The following NRDE2 variants were observed in gnomAD, a reference collection of about 807,000 sequenced individuals.
NRDE2 encodes NRDE-2, necessary for RNA interference, domain containing, also known as nuclear exosome regulator NRDE2.
Under a neutral mutation model 124.2 loss-of-function variants are expected in NRDE2, and 76 were observed. The observed-to-expected ratio is 0.61, with a 90% CI of 0.51 to 0.74. NRDE2 has a LOEUF of 0.74. Among genes scored for constraint, NRDE2 ranks in the 30% least tolerant of loss-of-function variants. The probability of loss-of-function intolerance (pLI) is 0.00; values close to 1 mark genes in which losing one functional copy is unlikely to be tolerated. For synonymous variants in NRDE2, 489 were observed against 528.1 expected (o/e 0.93, Z 1.01); for missense variants, 1,314 against 1,417.3 (o/e 0.93, Z 1.17).
chr14:90,307,797 G>GATGCAATATAGCTCACTGCAGTT (rs984553427), intron 4 of NRDE2, among the ~76,000 whole-genome samples: 1 of 152,212 alleles, frequency 6.6e-6, no homozygotes, highest in African/African-American at 2.4e-5. Flanking sequence ...AGGATGCAAT[G>GATGCAATATAGCTCACTGCAGTT]ATGCAATATA....
intron 1 of NRDE2, among the ~76,000 whole-genome samples, chr14:90,321,564 AAAAAG>A (rs1885243213): frequency 1.3e-5 from 2 of 151,568 alleles, no homozygotes; most frequent in Non-Finnish European, 2.9e-5. Flanking sequence ...AAAAAAAAAA[AAAAAG>A]AAAAGAAAAA....
At chr14:90,315,228 G>A (rs8007517) in intron 3 of NRDE2, among the ~76,000 whole-genome samples, 2,438 of 149,704 alleles carry the variant, frequency 0.016, 60 homozygotes, top group African/African-American at 0.056. Flanking sequence ...AAAATTAGCT[G>A]GGTGTGGTGA....
rs146973739 is a variant in NRDE2, at chr14:90,269,771, T to G, written c.*8565A>C. ...GAATTCCAGTCTTATGTCTTGTCTTTTCTTTTCCATAACATTCCCTTTTTA... is the reference window on the plus strand; with the variant it reads ...GAATTCCAGTCTTATGTCTTGTCTTGTCTTTTCCATAACATTCCCTTTTTA... On this transcript the variant is annotated 3_prime_UTR_variant, in exon 14 of 14. Coordinates refer to ENST00000354366, the MANE Select transcript of NRDE2 (RefSeq NM_017970.4). 1.4e-3 allele frequency: 608 copies of G among 447,828 alleles called. 3 individuals carry two copies. Among genetic ancestry groups the G allele is most frequent in the African/African-American group, 0.011 (532 of 49,714 alleles). 27.7% of individuals were successfully genotyped at this position (447,828 alleles called of 1,614,324 possible). A position where few individuals can be genotyped will look rare whatever the true frequency, so the allele number is the denominator to read the frequency against.
intron 1 of NRDE2, among the ~76,000 whole-genome samples, chr14:90,319,048 C>G (rs141222643): frequency 6.6e-6 from 1 of 152,176 alleles, no homozygotes; most frequent in African/African-American, 2.4e-5. Context: ...CATTAAATGT[C>G]TAAAGATTTT....
chr14:90,281,704 C>T (rs1274011960), intron 12 of NRDE2: 2 of 152,128 alleles, frequency 1.3e-5, no homozygotes, highest in African/African-American at 2.4e-5. Flanking sequence ...AATTTTGATT[C>T]TCTTTTTTTA....
chr14:90,299,826 G>C (rs1378969918), intron 7 of NRDE2, among the ~76,000 whole-genome samples: 2 of 152,168 alleles, frequency 1.3e-5, no homozygotes, highest in African/African-American at 4.8e-5. Context: ...TTTTTAAATA[G>C]TGTGATAAAT....
chr14:90,269,011 GACAA>G lies in NRDE2; in HGVS notation c.*9321_*9324del, dbSNP rs1370215347. On this transcript the variant is annotated 3_prime_UTR_variant, in exon 14 of 14. Transcript: ENST00000354366. Reference sequence around the variant, plus strand: ...CTGCAGAGGAGACAAATGCTCAGGGGACAAACAAAAGAGCAAAAAGGGCCTACAC... The same window carrying G: ...CTGCAGAGGAGACAAATGCTCAGGGGACAAAAGAGCAAAAAGGGCCTACAC... 1 of 164,862 alleles carries G rather than the reference GACAA, an allele frequency of 6.1e-6. No homozygotes were observed. Among genetic ancestry groups the G allele is most frequent in the African/African-American group, 2.4e-5 (1 of 41,728 alleles). The allele number at this position is 164,862 out of a possible 1,614,324, so 10.2% of individuals were successfully genotyped here. A position where few individuals can be genotyped will look rare whatever the true frequency, so the allele number is the denominator to read the frequency against.
At chr14:90,319,479 A>G (rs557176241) in intron 1 of NRDE2, among the ~76,000 whole-genome samples, 2 of 152,292 alleles carry the variant, frequency 1.3e-5, no homozygotes, top group East Asian at 3.9e-4. Flanking sequence ...GTCCACTCCT[A>G]TCACCCACCT....
rs150318980 is a variant in NRDE2 at position 90,300,095 on chromosome 14, A to G, written c.1545+1144T>C. Reference sequence around the variant, plus strand: ...AGAGCAGTGGTCTTCGATGGGTCACATTTGTAGGCAGAACCCTCCACCCAT... The same window carrying G: ...AGAGCAGTGGTCTTCGATGGGTCACGTTTGTAGGCAGAACCCTCCACCCAT... On this transcript the variant is annotated intron_variant, in intron 7 of 13. Coordinates refer to ENST00000354366, the MANE Select transcript of NRDE2 (RefSeq NM_017970.4). 6.9e-3 allele frequency among the ~76,000 whole-genome samples: 1,052 copies of G among 152,270 alleles called. 3 individuals carry two copies. Among genetic ancestry groups the G allele is most frequent in the Non-Finnish European group, 0.011 (724 of 68,014 alleles).
intron 12 of NRDE2, chr14:90,280,438 G>A (rs1021482072): frequency 5.9e-5 from 9 of 152,254 alleles, no homozygotes; most frequent in African/African-American, 2.2e-4. Context: ...ACTGAGCGCT[G>A]TCCTTCCTTC....
intron 5 of NRDE2, 60 bp downstream of exon 5, chr14:90,303,875 A>T: frequency 6.8e-7 from 1 of 1,464,338 alleles, no homozygotes. Context: ...ACAGTCCATC[A>T]GTTTGCCCAA....
Position 90,276,885 on chromosome 14 carries a change from G to T in NRDE2, c.*1451C>A, listed in dbSNP as rs1891816460. Reference sequence around the variant, plus strand: ...CTACTCCCTGCCCCCAATCAGGTCGGTGACATGTCTGGCTGATGTCTGCCC... The same window carrying T: ...CTACTCCCTGCCCCCAATCAGGTCGTTGACATGTCTGGCTGATGTCTGCCC... On this transcript the variant is annotated 3_prime_UTR_variant, in exon 14 of 14. Transcript: ENST00000354366. 6.6e-6 allele frequency: 1 copy of T among 152,432 alleles called. No individual in the cohort carries two copies. The highest frequency in any genetic ancestry group is 2.1e-4 in the South Asian group (1 of 4,838). The allele number at this position is 152,432 out of a possible 1,614,324, so 9.4% of individuals were successfully genotyped here.
At chr14:90,298,799 T>C (rs1330468028) in intron 7 of NRDE2, among the ~76,000 whole-genome samples, 3 of 152,208 alleles carry the variant, frequency 2.0e-5, no homozygotes, top group Admixed American at 6.5e-5. Context: ...CCAGGGACAG[T>C]GGCACTGCCA....
At chr14:90,295,499 A>C (rs997425254) in intron 8 of NRDE2, among the ~76,000 whole-genome samples, 1 of 152,082 alleles carries the variant, frequency 6.6e-6, no homozygotes, top group Non-Finnish European at 1.5e-5. Context: ...CACCCTGAAA[A>C]ACTCTTATAA....
rs758891089 is a variant in NRDE2, at chr14:90,278,285, G to A, written c.*51C>T. On this transcript the variant is annotated 3_prime_UTR_variant, in exon 14 of 14. Transcript: ENST00000354366. ...TTCTCTGCTCGCGCCTCCTAGCTCC[G>A]CAGGGTGGGCAACTTGGCCTCGCAG... is the stretch of plus-strand genomic sequence containing the variant. 8.7e-5 allele frequency: 140 copies of A among 1,611,094 alleles called. No homozygotes were observed. The highest frequency in any genetic ancestry group is 3.6e-4 in the South Asian group (33 of 90,926).
intron 12 of NRDE2, among the ~76,000 whole-genome samples, chr14:90,285,553 T>C (rs527671944): frequency 2.3e-4 from 35 of 152,188 alleles, no homozygotes; most frequent in Non-Finnish European, 3.8e-4. Flanking sequence ...CTGCCTGCCT[T>C]GGCCTCCCAA....
At chr14:90,297,847 A>T (rs140768649) in intron 8 of NRDE2, among the ~76,000 whole-genome samples, 1 of 151,858 alleles carries the variant, frequency 6.6e-6, no homozygotes, top group African/African-American at 2.4e-5. Flanking sequence ...AGCCTGACGC[A>T]TGAGAATTGC....
chr14:90,331,391 C>A (rs1885691551), intron 1 of NRDE2, among the ~76,000 whole-genome samples: 1 of 152,170 alleles, frequency 6.6e-6, no homozygotes, highest in African/African-American at 2.4e-5. Flanking sequence ...GGATACTAAT[C>A]CCCTAGCTCT....
Position 90,289,100 on chromosome 14 carries a change from G to A in NRDE2, c.2275C>T (p.Gln759Ter), listed in dbSNP as rs1439635118. 1 of 1,613,020 alleles carries A rather than the reference G, an allele frequency of 6.2e-7. No homozygotes were observed. Among genetic ancestry groups the A allele is most frequent in the South Asian group, 1.1e-5 (1 of 91,028 alleles). Residue 759 changes from glutamine to a stop codon, truncating the protein, a stop_gained, in exon 11 of 14, where the codon CAA (glutamine) becomes TAA (stop). Transcript: ENST00000354366. LOFTEE classifies it high-confidence loss of function. The stretch of plus-strand genomic sequence containing the variant: ...GCTAGTTTTTTGCAGTTCTTCCCTT[G>A]AGACTTTAATCTCTTCTTGTTTTTA... ...HTKNKKRLKS[Q>*]GKNCKKLAKN...
Sources: allele counts gnomAD v4.1 joint callset (sites outside exome capture counted in the v4.1 genomes callset), GRCh38; gene constraint gnomAD v4.1.1; transcripts MANE v1.5; gene names NCBI Gene and HGNC (gene_info 2026-07-23, HGNC 2026-07-21).